Variants in PCDHGA5 observed in about 807,000 individuals in gnomAD.
PCDHGA5 encodes protocadherin gamma subfamily A, 5.
Under a neutral mutation model 56.7 loss-of-function variants are expected in PCDHGA5, and 36 were observed. The ratio of observed to expected loss-of-function variants is 0.64; its 90% CI spans 0.49 to 0.84. The LOEUF is 0.84. PCDHGA5 is among the 40% of genes least tolerant of loss of function. PCDHGA5 has a pLI of 0.00. For synonymous variants in PCDHGA5, 563 were observed against 520.2 expected, an observed-to-expected ratio of 1.08 and a Z score of -1.12; for missense variants, 1,305 against 1,201.5, an observed-to-expected ratio of 1.09 and a Z score of -1.27.
Position 141,477,568 on chromosome 5 carries a change from C to T in PCDHGA5, c.2422-17239C>T, listed in dbSNP as rs2099413139. The T allele has an allele frequency of 6.2e-7, 1 of 1,614,172 alleles. No individual in the cohort carries two copies. The highest frequency in any genetic ancestry group is 1.7e-4 in the Middle Eastern group (1 of 6,060). On this transcript the variant is annotated intron_variant, in intron 1 of 3. Transcript: ENST00000518069. This position sits in a 1 kb window ranked among gnomAD's most constrained non-coding sequence, Gnocchi z 4.9. ...TACTAAACCTAAGTGTCTGGGACCC[C>T]GACGCCCCGCAGAATGCTCGGCTTT...
At chr5:141,384,768 G>A (rs1046016115) in intron 1 of PCDHGA5, 20 of 1,613,804 alleles carry the variant, frequency 1.2e-5, no homozygotes, top group Non-Finnish European at 1.6e-5. Context: ...GGCTGTACAC[G>A]GGCGAGGTGC....
Position 141,376,680 on chromosome 5 carries a change from T to TTTTTTTTTGTTTTG in PCDHGA5, c.2421+9937_2421+9938insGTTTTGTTTTTTTT, listed in dbSNP as rs1431701982. ...CCTTGTTCAGGTGAGGGTATCGTTT[T>TTTTTTTTTGTTTTG]TTTTTTTTTTTTTTTTTGAGACGGA... On this transcript the variant is annotated intron_variant, in intron 1 of 3. Transcript: ENST00000518069. The TTTTTTTTTGTTTTG allele has an allele frequency of 6.0e-6, 4 of 666,834 alleles. No individual in the cohort carries two copies. In the African/African-American group the frequency reaches 8.2e-5, roughly 14 times the overall value. The allele number at this position is 666,834 out of a possible 1,614,324, so 41.3% of individuals were successfully genotyped here.
At chr5:141,376,069 G>A in intron 1 of PCDHGA5, 1 of 1,613,452 alleles carries the variant, frequency 6.2e-7, no homozygotes, top group Non-Finnish European at 8.5e-7. Context: ...CGCTCACCGT[G>A]GCCGTGGCCG....
intron 1 of PCDHGA5, chr5:141,410,849 C>CTTTTTTTTTCTTTTTTTTTTT (rs2095433801): frequency 7.7e-6 from 1 of 129,786 alleles, no homozygotes; most frequent in Non-Finnish European, 1.3e-5. Context: ...TTGTCTTTGT[C>CTTTTTTTTTCTTTTTTTTTTT]TTTTTTTTTT....
Position 141,424,165 on chromosome 5 carries a change from A to G in PCDHGA5, c.2421+57414A>G, listed in dbSNP as rs1328883463. 2.8e-5 allele frequency: 7 copies of G among 251,918 alleles called. No individual in the cohort carries two copies. The South Asian group carries it at 4.6e-4, about 17-fold the overall frequency. The allele number at this position is 251,918 out of a possible 1,614,324, so 15.6% of individuals were successfully genotyped here. On this transcript the variant is annotated intron_variant, in intron 1 of 3. Transcript: ENST00000518069. Reference sequence around the variant, plus strand: ...CTCCCTCTAGCTCTCCTTCTCATCTATCTATCTATACACATGCACACACAC... The same window carrying G: ...CTCCCTCTAGCTCTCCTTCTCATCTGTCTATCTATACACATGCACACACAC...
At chr5:141,415,024 G>C in intron 1 of PCDHGA5, 1 of 1,613,568 alleles carries the variant, frequency 6.2e-7, no homozygotes, top group Non-Finnish European at 8.5e-7. Flanking sequence ...CAAGGCCAGC[G>C]AGCCGGGACT....
At chr5:141,396,952 A>G (rs2093458879) in intron 1 of PCDHGA5, among the ~76,000 whole-genome samples, 1 of 152,196 alleles carries the variant, frequency 6.6e-6, no homozygotes, top group African/African-American at 2.4e-5. Context: ...AGGAAAGAAA[A>G]TCCTTACTCT....
chr5:141,414,427 C>G lies in PCDHGA5; in HGVS notation c.2421+47676C>G, dbSNP rs766147938. The G allele has an allele frequency of 6.2e-6, 10 of 1,613,684 alleles. No individual in the cohort carries two copies. The highest frequency in any genetic ancestry group is 1.6e-4 in the Middle Eastern group (1 of 6,084). On this transcript the variant is annotated intron_variant, in intron 1 of 3. Coordinates refer to ENST00000518069, the MANE Select transcript of PCDHGA5 (RefSeq NM_018918.3). ...GATACACAGAGCCCTTGACAGGGAA[C>G]AGGTATCCTCTTACAATATCACAGT... is the stretch of plus-strand genomic sequence containing the variant.
rs897608860 is a variant in PCDHGA5 at position 141,364,462 on chromosome 5, C to T, written c.132C>T (p.Phe44=). ...CGGAGGAGCTGGACAAAGGCTCCTT[C>T]GTCGGCAACATAGCCAAGGACCTTG... The part of the protein sequence containing the change: ...SMPEELDKGS[F]VGNIAKDLGL... The change falls in exon 1 of 4, where the codon TTC becomes TTT. Residue 44 remains phenylalanine (F), a synonymous_variant. Coordinates refer to ENST00000518069, the MANE Select transcript of PCDHGA5 (RefSeq NM_018918.3). The T allele has an allele frequency of 1.4e-5, 23 of 1,613,902 alleles. No homozygotes were observed. The highest frequency in any genetic ancestry group is 1.8e-5 in the Non-Finnish European group (21 of 1,179,896).
chr5:141,409,881 C>T (rs2095330257), intron 1 of PCDHGA5: 1 of 1,612,978 alleles, frequency 6.2e-7, no homozygotes, highest in Non-Finnish European at 8.5e-7. Context: ...GACAACGCAC[C>T]GCGGGTGCTG....
intron 1 of PCDHGA5, among the ~76,000 whole-genome samples, chr5:141,446,686 C>T (rs574630887): frequency 1.3e-5 from 2 of 152,294 alleles, no homozygotes; most frequent in African/African-American, 4.8e-5. Context: ...CCATATTGGC[C>T]AGGCTGGTCT....
chr5:141,409,369 C>T, intron 1 of PCDHGA5: 1 of 1,613,986 alleles, frequency 6.2e-7, no homozygotes, highest in Non-Finnish European at 8.5e-7. Flanking sequence ...TAGAAACAGA[C>T]ATTCCATTCA....
chr5:141,400,588 T>TC, intron 1 of PCDHGA5: 1 of 1,606,158 alleles, frequency 6.2e-7, no homozygotes, highest in South Asian at 1.1e-5. Flanking sequence ...TACATGAAAC[T>TC]ATCGTACATT....
At position 141,486,994 on chromosome 5, in the gene PCDHGA5, C is replaced by G. The variant is rs779792543; in HGVS notation, c.2422-7813C>G. ...ATTCAGGTTACAATGCTTGGGTTTC[C>G]TATCAGCTCCTGGAGGCCCCAGATC... On this transcript the variant is annotated intron_variant, in intron 1 of 3. Coordinates refer to ENST00000518069, the MANE Select transcript of PCDHGA5 (RefSeq NM_018918.3). The surrounding 1 kb of genome is among the most constrained non-coding windows in gnomAD (Gnocchi z 5.0). 3 of 1,614,214 alleles carry G rather than the reference C, an allele frequency of 1.9e-6. No individual in the cohort carries two copies. Among genetic ancestry groups the G allele is most frequent in the Admixed American group, 1.7e-5 (1 of 60,030 alleles).
At chr5:141,381,441 G>A (rs1777194515) in intron 1 of PCDHGA5, among the ~76,000 whole-genome samples, 1 of 152,202 alleles carries the variant, frequency 6.6e-6, no homozygotes, top group Admixed American at 6.5e-5. Flanking sequence ...ATCCTGTCAG[G>A]ACAGTCCTGC....
Position 141,494,692 on chromosome 5 carries a change from C to T in PCDHGA5, c.2422-115C>T. On this transcript the variant is annotated intron_variant, in intron 1 of 3. Coordinates refer to ENST00000518069, the MANE Select transcript of PCDHGA5 (RefSeq NM_018918.3). ...AGTCCACCCCTGCCCCCTCTTAGTC[C>T]GTTTTCTTCTCTGTGCCCACTCCCC... 2.5e-6 allele frequency: 4 copies of T among 1,581,934 alleles called. No individual in the cohort carries two copies. In the African/African-American group the frequency reaches 4.0e-5, roughly 16 times the overall value.
intron 1 of PCDHGA5, chr5:141,392,696 T>A: frequency 8.2e-7 from 1 of 1,212,692 alleles, no homozygotes. Flanking sequence ...ACCCGACCCC[T>A]GTTTGGAGGC....
At chr5:141,379,433 T>G (rs1775597873) in intron 1 of PCDHGA5, 1 of 152,256 alleles carries the variant, frequency 6.6e-6, no homozygotes. Flanking sequence ...AGATGGGCTG[T>G]TATACATATG....
Position 141,470,005 on chromosome 5 carries a change from T to A in PCDHGA5, c.2422-24802T>A, listed in dbSNP as rs189976589. Reference sequence around the variant, plus strand: ...AATTAGCTGGTCGTCGTGGCACGCCTGTAATCCCAGCTACTCGGGATGCTG... The same window carrying A: ...AATTAGCTGGTCGTCGTGGCACGCCAGTAATCCCAGCTACTCGGGATGCTG... On this transcript the variant is annotated intron_variant, in intron 1 of 3. Coordinates refer to ENST00000518069, the MANE Select transcript of PCDHGA5 (RefSeq NM_018918.3). 2.4e-4 allele frequency among the ~76,000 whole-genome samples: 37 copies of A among 152,254 alleles called. 2 individuals carry two copies. The highest frequency in any genetic ancestry group is 7.2e-4 in the Admixed American group (11 of 15,274).
Sources: allele counts gnomAD v4.1 joint callset (sites outside exome capture counted in the v4.1 genomes callset), GRCh38; gene constraint gnomAD v4.1.1; non-coding constraint Gnocchi (gnomAD v3.1); transcripts MANE v1.5; gene names NCBI Gene and HGNC (gene_info 2026-07-23, HGNC 2026-07-21).